Variants in PSMB7 observed in about 807,000 individuals in gnomAD.
PSMB7 encodes proteasome subunit beta type-7.
In PSMB7, 5 loss-of-function variants were observed where a neutral mutation model predicts 28.1. The observed-to-expected ratio is 0.18, with a 90% confidence interval of 0.09 to 0.37. The LOEUF (loss-of-function observed/expected upper bound fraction) is 0.37, where lower values mean the gene tolerates loss of function less well. Ranked by LOEUF, PSMB7 falls within the 10% of genes least tolerant of loss-of-function variation. PSMB7 has a pLI of 1.00. For synonymous variants in PSMB7, 122 were observed against 123.7 expected, an observed-to-expected ratio of 0.99 and a Z score of 0.09; for missense variants, 275 against 346.2, an observed-to-expected ratio of 0.79 and a Z score of 1.63.
At chr9:124,370,784 T>C (rs1420995553) in intron 6 of PSMB7, among the ~76,000 whole-genome samples, 4 of 152,208 alleles carry the variant, frequency 2.6e-5, no homozygotes, top group Non-Finnish European at 4.4e-5. Context: ...TGCCCTGCAT[T>C]AGAAGGTTTA....
intron 6 of PSMB7, 96 bp from the exon 7 acceptor site, chr9:124,357,011 C>A: frequency 7.5e-7 from 1 of 1,334,176 alleles, no homozygotes; most frequent in East Asian, 2.4e-5. Flanking sequence ...CAAGACCTCC[C>A]GCGAGACAGG....
At chr9:124,384,949 G>A (rs1418279019) in intron 5 of PSMB7, among the ~76,000 whole-genome samples, 1 of 152,366 alleles carries the variant, frequency 6.6e-6, no homozygotes, top group East Asian at 1.9e-4. Flanking sequence ...ATGAGGTTAT[G>A]GAGAATTTGG....
In PSMB7 at chr9:124,413,998, A is replaced by G. The variant is rs1402795184; in HGVS notation, c.164T>C (p.Ile55Thr). ...TGCTCTTGTATCTGCTCCAAGAACT[A>G]TGCCATCCTATTAAAAAAAAAAGTT... ...TIAGVVYKDG[I>T]VLGADTRATE... The change falls in exon 3 of 8, where the codon ATA becomes ACA. Residue 55 changes from isoleucine to threonine, a missense_variant. Physicochemically the swap from Ile to Thr is moderately conservative, Grantham distance 89 (BLOSUM62 -1). Around this residue, in one of 2 missense-constraint regions of PSMB7, gnomAD observed 213 missense variants for 302.4 expected, o/e 0.70. Coordinates refer to ENST00000259457, the MANE Select transcript of PSMB7 (RefSeq NM_002799.4). The G allele has an allele frequency of 6.2e-7, 1 of 1,606,256 alleles. No homozygotes were observed. The highest frequency in any genetic ancestry group is 8.5e-7 in the Non-Finnish European group (1 of 1,175,862).
intron 6 of PSMB7, among the ~76,000 whole-genome samples, chr9:124,371,382 C>T (rs1006718882): frequency 6.6e-5 from 10 of 152,136 alleles, no homozygotes; most frequent in African/African-American, 2.4e-4. Flanking sequence ...AAACTCTAAC[C>T]ACAGACGACC....
chr9:124,408,066 G>C (rs1261625537), intron 4 of PSMB7, among the ~76,000 whole-genome samples: 1 of 152,050 alleles, frequency 6.6e-6, no homozygotes, highest in Non-Finnish European at 1.5e-5. Flanking sequence ...AGGAGGCTGA[G>C]GCGAGCAGAT....
chr9:124,383,369 G>A (rs1050052166), intron 6 of PSMB7, among the ~76,000 whole-genome samples: 1 of 152,080 alleles, frequency 6.6e-6, no homozygotes, highest in Non-Finnish European at 1.5e-5. Flanking sequence ...GCAGCTATCC[G>A]AGAAGCGAAG....
rs116541545 is a variant in PSMB7 at position 124,400,171 on chromosome 9, G to A, written c.511+5146C>T. On this transcript the variant is annotated intron_variant, in intron 5 of 7. Coordinates refer to ENST00000259457, the MANE Select transcript of PSMB7 (RefSeq NM_002799.4). ...CTGGCCTTTCAGTGCTTAACCACAC[G>A]GAGCCCTTGTGCACCACAGGCCTGA... Among the ~76,000 whole-genome samples, 1,311 of 152,256 alleles carry A rather than the reference G, an allele frequency of 8.6e-3. 13 individuals are homozygous for A. Among genetic ancestry groups the A allele is most frequent in the African/African-American group, 0.03 (1,233 of 41,536 alleles).
At chr9:124,392,339 C>T (rs556159014) in intron 5 of PSMB7, among the ~76,000 whole-genome samples, 11 of 152,320 alleles carry the variant, frequency 7.2e-5, no homozygotes, top group Middle Eastern at 3.4e-3. Context: ...AGAGGTGGCC[C>T]GGCTCTGGCG....
At chr9:124,378,565 T>C (rs1340922314) in intron 6 of PSMB7, among the ~76,000 whole-genome samples, 1 of 152,218 alleles carries the variant, frequency 6.6e-6, no homozygotes, top group Non-Finnish European at 1.5e-5. Flanking sequence ...CCTCGCAAGA[T>C]ATTCTGACAA....
chr9:124,387,034 G>C (rs894476060), intron 5 of PSMB7, among the ~76,000 whole-genome samples: 6 of 152,110 alleles, frequency 3.9e-5, no homozygotes, highest in African/African-American at 7.2e-5. Context: ...ATCACAAGGT[G>C]AGGAGATTGA....
intron 6 of PSMB7, among the ~76,000 whole-genome samples, chr9:124,372,677 T>C (rs1346455599): frequency 2.0e-5 from 3 of 152,202 alleles, no homozygotes; most frequent in African/African-American, 7.2e-5. Flanking sequence ...ACTTTCAACT[T>C]TGACTTTTAA....
intron 6 of PSMB7, among the ~76,000 whole-genome samples, chr9:124,377,301 C>T (rs188112975): frequency 2.6e-5 from 4 of 152,318 alleles, no homozygotes; most frequent in Non-Finnish European, 5.9e-5. Flanking sequence ...GCGCAATCCT[C>T]TAGCTCCCAA....
chr9:124,363,809 G>A (rs1167614175), intron 6 of PSMB7, among the ~76,000 whole-genome samples: 2 of 152,170 alleles, frequency 1.3e-5, no homozygotes, highest in Admixed American at 1.3e-4. Flanking sequence ...GGGTGCTCAT[G>A]TTCACGAAAT....
chr9:124,407,280 AC>A (rs1373330014), intron 4 of PSMB7, among the ~76,000 whole-genome samples: 9 of 152,386 alleles, frequency 5.9e-5, no homozygotes, highest in African/African-American at 2.2e-4. Context: ...GTGGTCCAAT[AC>A]TTGCCCTGTT....
chr9:124,353,983 A>C (rs1430172632), intron 7 of PSMB7, among the ~76,000 whole-genome samples: 1 of 152,158 alleles, frequency 6.6e-6, no homozygotes, highest in Non-Finnish European at 1.5e-5. Flanking sequence ...CACCATCCCC[A>C]CAAGTGCTGG....
intron 6 of PSMB7, among the ~76,000 whole-genome samples, chr9:124,365,247 T>C (rs1830496333): frequency 6.6e-6 from 1 of 152,034 alleles, no homozygotes; most frequent in African/African-American, 2.4e-5. Flanking sequence ...AACAAGGAGA[T>C]AATCTCATTA....
rs1403489764 is a variant in PSMB7 at position 124,415,402 on chromosome 9, A to T, written c.24T>A (p.Ala8=). MAAVSVY[A]PPVGGFSFDN... ...CAAAAGAGAAGCCTCCAACTGGTGG[A>T]GCATACACCGACACAGCCGCCATCT... is the stretch of plus-strand genomic sequence containing the variant. Residue 8 remains alanine, a synonymous_variant, in exon 1 of 8, where the codon GCT becomes GCA. Transcript: ENST00000259457. 2 of 1,614,130 alleles carry T rather than the reference A, an allele frequency of 1.2e-6. No individual in the cohort carries two copies. The highest frequency in any genetic ancestry group is 1.7e-6 in the Non-Finnish European group (2 of 1,180,012).
intron 5 of PSMB7, among the ~76,000 whole-genome samples, chr9:124,403,203 T>C (rs1030621817): frequency 6.6e-6 from 1 of 152,022 alleles, no homozygotes; most frequent in Non-Finnish European, 1.5e-5. Flanking sequence ...ATCCCAATTC[T>C]TCTAAATATA....
At chr9:124,375,852 A>G (rs958447130) in intron 6 of PSMB7, among the ~76,000 whole-genome samples, 1 of 152,216 alleles carries the variant, frequency 6.6e-6, no homozygotes, top group Non-Finnish European at 1.5e-5. Context: ...GGGTTCCGCC[A>G]GCAAACCTCC....
Sources: gnomAD v4.1 joint callset for allele counts (sites outside exome capture counted in the v4.1 genomes callset) on GRCh38, gnomAD v4.1.1 for gene constraint, gnomAD v4.1.1 regional missense constraint, MANE v1.5 for transcripts, NCBI Gene and HGNC (gene_info 2026-07-23, HGNC 2026-07-21) for gene names.